NELL2: variants seen among roughly 807,000 people sequenced by gnomAD.
NELL2 encodes protein kinase C-binding protein NELL2.
A neutral mutation model predicts 109.6 loss-of-function variants in NELL2; 41 were observed. The ratio of observed to expected loss-of-function variants is 0.37; its 90% CI spans 0.29 to 0.49. The LOEUF (loss-of-function observed/expected upper bound fraction) is 0.49, where lower values mean the gene tolerates loss of function less well. Among genes scored for constraint, NELL2 ranks in the 20% least tolerant of loss-of-function variants. The pLI, the probability that NELL2 is intolerant of heterozygous loss-of-function variation, is 0.98. For synonymous variants in NELL2, 355 were observed against 344.7 expected (o/e 1.03, Z -0.33); for missense variants, 900 against 1,008.3 (o/e 0.89, Z 1.45).
chr12:44,716,486 A>G (rs1356419012), intron 9 of NELL2, among the ~76,000 whole-genome samples: 1 of 152,188 alleles, frequency 6.6e-6, no homozygotes, highest in African/African-American at 2.4e-5. Flanking sequence ...CATATTATGA[A>G]TTAAAATGGT....
chr12:44,605,100 GGAGATAAT>G (rs1427994137), intron 15 of NELL2, among the ~76,000 whole-genome samples: 1 of 152,088 alleles, frequency 6.6e-6, no homozygotes, highest in Non-Finnish European at 1.5e-5. Context: ...GAATCATGGA[GGAGATAAT>G]GAATTCAGAT....
At chr12:44,520,923 A>C (rs1294541585) in intron 18 of NELL2, among the ~76,000 whole-genome samples, 2 of 152,192 alleles carry the variant, frequency 1.3e-5, no homozygotes, top group Non-Finnish European at 1.5e-5. Context: ...TGCTCTTTCC[A>C]TTGATTTTTG....
In NELL2 at chr12:44,509,697, A is replaced by G. The variant is rs571551417; in HGVS notation, c.2401-713T>C. Among the ~76,000 whole-genome samples the G allele has an allele frequency of 1.9e-4, 29 of 152,318 alleles. 1 individual carries two copies. The highest frequency in any genetic ancestry group is 6.5e-5 in the Admixed American group (1 of 15,304). On this transcript the variant is annotated intron_variant, in intron 19 of 19. Transcript: ENST00000429094. ...GTGAGAAATGAATTTCTCAGCCTCC[A>G]AAATTGTGGGGAATGAATTGTCGTT...
chr12:44,544,860 G>A lies in NELL2; in HGVS notation c.1664-12139C>T, dbSNP rs146016151. 1.8e-3 allele frequency among the ~76,000 whole-genome samples: 280 copies of A among 152,068 alleles called. 1 individual carries two copies. Among genetic ancestry groups the A allele is most frequent in the African/African-American group, 6.2e-3 (258 of 41,502 alleles). The stretch of plus-strand genomic sequence containing the variant: ...CTAATCAGAATTGATACTGCAAGAT[G>A]CTACTACAATTAGACCCAATTTGAT... On this transcript the variant is annotated intron_variant, in intron 15 of 19. Coordinates refer to ENST00000429094, the MANE Select transcript of NELL2 (RefSeq NM_001145108.2).
chr12:44,657,755 T>C (rs1947568006), intron 13 of NELL2, among the ~76,000 whole-genome samples: 1 of 152,210 alleles, frequency 6.6e-6, no homozygotes, highest in African/African-American at 2.4e-5. Flanking sequence ...CTGTGTTAGT[T>C]TGCTGAGAAT....
chr12:44,764,081 C>T (rs576996940), intron 9 of NELL2, among the ~76,000 whole-genome samples: 49 of 152,262 alleles, frequency 3.2e-4, no homozygotes, highest in Admixed American at 1.0e-3. Flanking sequence ...AAAAAGACCT[C>T]ATCTAATACA....
chr12:44,839,223 T>C (rs1007704460), intron 2 of NELL2, among the ~76,000 whole-genome samples: 24 of 152,178 alleles, frequency 1.6e-4, no homozygotes, highest in African/African-American at 4.1e-4. Flanking sequence ...ATGTGACCCC[T>C]GGTAACCTTG....
At chr12:44,836,274 A>C (rs796154377) in intron 2 of NELL2, among the ~76,000 whole-genome samples, 28 of 152,302 alleles carry the variant, frequency 1.8e-4, no homozygotes, top group African/African-American at 6.0e-4. Context: ...TTCTATTCCC[A>C]CACTAGGCGG....
At chr12:44,562,377 G>A (rs1943498360) in intron 15 of NELL2, among the ~76,000 whole-genome samples, 1 of 152,088 alleles carries the variant, frequency 6.6e-6, no homozygotes, top group South Asian at 2.1e-4. Context: ...GAGTGAACAG[G>A]CAGCCTACAG....
intron 9 of NELL2, among the ~76,000 whole-genome samples, chr12:44,771,688 A>C (rs896819916): frequency 1.3e-5 from 2 of 152,216 alleles, no homozygotes; most frequent in Non-Finnish European, 2.9e-5. Flanking sequence ...TGCTTTGTTT[A>C]TGTAGATTCA....
chr12:44,530,810 A>G (rs1264189514), intron 16 of NELL2, among the ~76,000 whole-genome samples: 2 of 152,138 alleles, frequency 1.3e-5, no homozygotes, highest in Non-Finnish European at 2.9e-5. Flanking sequence ...CCTTCAATAT[A>G]AGAAGAGCAC....
chr12:44,605,963 C>T (rs1344342144), intron 15 of NELL2, among the ~76,000 whole-genome samples: 1 of 152,068 alleles, frequency 6.6e-6, no homozygotes, highest in Non-Finnish European at 1.5e-5. Context: ...ACCTGTATTT[C>T]TAACAAGTTA....
chr12:44,543,064 C>A (rs989150508), intron 15 of NELL2, among the ~76,000 whole-genome samples: 1 of 152,062 alleles, frequency 6.6e-6, no homozygotes, highest in Non-Finnish European at 1.5e-5. Context: ...TATAGCAGTC[C>A]TAGGAAAATA....
At chr12:44,534,680 A>T (rs1364213964) in intron 15 of NELL2, among the ~76,000 whole-genome samples, 1 of 152,140 alleles carries the variant, frequency 6.6e-6, no homozygotes, top group East Asian at 1.9e-4. Context: ...TCTTAAGTGC[A>T]TGGACAAAAG....
chr12:44,671,896 C>T (rs1202122310), intron 12 of NELL2, among the ~76,000 whole-genome samples: 3 of 152,176 alleles, frequency 2.0e-5, no homozygotes, highest in African/African-American at 7.2e-5. Context: ...AGGGTCCCAT[C>T]AACAAGTCCA....
chr12:44,726,608 GTTATAC>G (rs1566248651), intron 9 of NELL2, among the ~76,000 whole-genome samples: 1 of 152,068 alleles, frequency 6.6e-6, no homozygotes, highest in Non-Finnish European at 1.5e-5. Flanking sequence ...GTTTAGATGT[GTTATAC>G]TTAAACTTGA....
intron 15 of NELL2, among the ~76,000 whole-genome samples, chr12:44,597,391 C>G (rs1460913247): frequency 1.3e-5 from 2 of 152,186 alleles, no homozygotes; most frequent in Non-Finnish European, 2.9e-5. Flanking sequence ...CCTCTTAAAA[C>G]TATTGGCCCA....
chr12:44,727,952 T>C (rs2136466567), intron 9 of NELL2, among the ~76,000 whole-genome samples: 1 of 152,164 alleles, frequency 6.6e-6, no homozygotes. Flanking sequence ...TGCTATTATA[T>C]ATATGGATGA....
rs112943516 is a variant in NELL2, at chr12:44,834,885, T to C, written c.185-18749A>G. ...CAGGGCTGGACACGCGGGCAGTCCTTGTCGTGTTGCCAGGAGAAGGCTTTC... is the reference window on the plus strand; with the variant it reads ...CAGGGCTGGACACGCGGGCAGTCCTCGTCGTGTTGCCAGGAGAAGGCTTTC... On this transcript the variant is annotated intron_variant, in intron 2 of 19. Transcript: ENST00000429094. Among the ~76,000 whole-genome samples the C allele has an allele frequency of 3.1e-3, 473 of 152,054 alleles. 3 individuals carry two copies. The highest frequency in any genetic ancestry group is 0.011 in the African/African-American group (447 of 41,384).
Sources: gnomAD v4.1 joint callset for allele counts (sites outside exome capture counted in the v4.1 genomes callset) on GRCh38, gnomAD v4.1.1 for gene constraint, MANE v1.5 for transcripts, NCBI Gene and HGNC (gene_info 2026-07-23, HGNC 2026-07-21) for gene names.